Variants in PATJ observed in about 807,000 individuals in gnomAD.
The protein encoded by PATJ is PATJ crumbs cell polarity complex component.
PATJ carries 190 observed loss-of-function variants against 224.9 expected under a neutral mutation model. The observed-to-expected ratio is 0.84, with a 90% CI of 0.75 to 0.95. The LOEUF (loss-of-function observed/expected upper bound fraction) is 0.95. Ranked by LOEUF, PATJ falls within the 40% of genes least tolerant of loss-of-function variation. PATJ has a pLI of 0.00. For synonymous variants in PATJ, 769 were observed against 820.3 expected (o/e 0.94, Z 1.07); for missense variants, 2,121 against 2,270.3 (o/e 0.93, Z 1.34).
chr1:62,035,247 GA>G (rs1158631791), intron 29 of PATJ, among the ~76,000 whole-genome samples: 2 of 152,186 alleles, frequency 1.3e-5, no homozygotes, highest in Non-Finnish European at 2.9e-5. Context: ...AATGCAGTCA[GA>G]AAAAACAGAT....
At chr1:62,152,846 A>C (rs1410980967) in intron 42 of PATJ, among the ~76,000 whole-genome samples, 1 of 152,038 alleles carries the variant, frequency 6.6e-6, no homozygotes, top group Non-Finnish European at 1.5e-5. Context: ...TAAGTTTAAA[A>C]GTTAAAAACT....
At chr1:61,757,588 G>A (rs1172555562) in intron 1 of PATJ, among the ~76,000 whole-genome samples, 1 of 151,888 alleles carries the variant, frequency 6.6e-6, no homozygotes, top group Non-Finnish European at 1.5e-5. Context: ...GCTTTGCCAT[G>A]TTATCCAGGC....
chr1:61,773,158 T>A (rs900513936), intron 6 of PATJ, among the ~76,000 whole-genome samples: 2 of 151,896 alleles, frequency 1.3e-5, no homozygotes, highest in Non-Finnish European at 1.5e-5. Context: ...GTAGCTGGGA[T>A]TTACAGGCAC....
chr1:62,005,471 A>C (rs1377238910), intron 28 of PATJ, among the ~76,000 whole-genome samples: 2 of 150,972 alleles, frequency 1.3e-5, no homozygotes, highest in Non-Finnish European at 2.9e-5. Context: ...TTTATTAAAG[A>C]AAAAAAGTTG....
chr1:61,803,745 G>C (rs182633007), intron 12 of PATJ, among the ~76,000 whole-genome samples: 2 of 152,044 alleles, frequency 1.3e-5, no homozygotes, highest in Non-Finnish European at 2.9e-5. Context: ...ACTTCACTAC[G>C]TTTTTTTCTT....
At chr1:61,745,001 A>G (rs565087640) in intron 1 of PATJ, among the ~76,000 whole-genome samples, 2 of 152,320 alleles carry the variant, frequency 1.3e-5, no homozygotes, top group Admixed American at 1.3e-4. Flanking sequence ...AGGGTGAGGT[A>G]TGAGAAGGGG....
intron 3 of PATJ, among the ~76,000 whole-genome samples, chr1:61,764,774 A>G (rs1173943853): frequency 1.3e-5 from 2 of 152,174 alleles, no homozygotes; most frequent in Non-Finnish European, 2.9e-5. Flanking sequence ...ACCAGAATTT[A>G]TACCCTAATT....
intron 8 of PATJ, 126 bp downstream of exon 8, chr1:61,788,098 A>AG: frequency 1.5e-6 from 1 of 669,268 alleles, no homozygotes; most frequent in Non-Finnish European, 2.5e-6. Context: ...TGAAACAGGA[A>AG]AAAAAAAACT....
At chr1:62,099,347 C>CTTTTTTTTTTTTTTTTTTTTTTTTTT (rs71050197) in intron 33 of PATJ, among the ~76,000 whole-genome samples, 3 of 55,676 alleles carry the variant, frequency 5.4e-5, no homozygotes, top group African/African-American at 2.3e-4. Flanking sequence ...ATATCTCCAA[C>CTTTTTTTTTTTTTTTTTTTTTTTTTT]TTTTTTTTTT....
At chr1:61,792,000 A>G (rs1278149265) in intron 9 of PATJ, among the ~76,000 whole-genome samples, 2 of 152,200 alleles carry the variant, frequency 1.3e-5, no homozygotes, top group Non-Finnish European at 2.9e-5. Context: ...TTATTCCTTT[A>G]TTATAAGAGA....
At chr1:61,892,630 T>C (rs1010794979) in intron 22 of PATJ, among the ~76,000 whole-genome samples, 23 of 152,198 alleles carry the variant, frequency 1.5e-4, no homozygotes, top group African/African-American at 5.5e-4. Flanking sequence ...TCTGGTTGAA[T>C]TTAAGAGGCA....
chr1:61,760,048 C>T (rs1028615483), intron 1 of PATJ, among the ~76,000 whole-genome samples: 1 of 152,122 alleles, frequency 6.6e-6, no homozygotes, highest in African/African-American at 2.4e-5. Flanking sequence ...ACCAGCAGGC[C>T]GCTCTTGTCA....
intron 14 of PATJ, among the ~76,000 whole-genome samples, chr1:61,813,031 T>C (rs779843823): frequency 4.6e-5 from 7 of 151,924 alleles, no homozygotes; most frequent in Non-Finnish European, 8.8e-5. Flanking sequence ...CTGTGTCATA[T>C]TACTTTAGAA....
At chr1:61,839,317 A>G (rs138672854) in intron 17 of PATJ, among the ~76,000 whole-genome samples, 3,120 of 152,176 alleles carry the variant, frequency 0.021, 38 homozygotes, top group Non-Finnish European at 0.031. Context: ...TAGTATTCTC[A>G]TTTTTCATGC....
At position 62,075,685 on chromosome 1, in the gene PATJ, G is replaced by A. The variant is rs545669117; in HGVS notation, c.4126-3765G>A. Among the ~76,000 whole-genome samples the A allele has an allele frequency of 1.5e-4, 23 of 152,254 alleles. No homozygotes were observed. The South Asian group carries it at 2.1e-3, about 14-fold the overall frequency. Reference sequence around the variant, plus strand: ...TGTAATCCCAGCACTTTGGGAGGCCGAGATGGGTGGATCACAAGGTCAGGA... The same window carrying A: ...TGTAATCCCAGCACTTTGGGAGGCCAAGATGGGTGGATCACAAGGTCAGGA... On this transcript the variant is annotated intron_variant, in intron 31 of 43. Coordinates refer to ENST00000642238, the MANE Select transcript of PATJ (RefSeq NM_001350145.3).
At chr1:62,116,043 G>A (rs1278816911) in intron 35 of PATJ, among the ~76,000 whole-genome samples, 1 of 152,120 alleles carries the variant, frequency 6.6e-6, no homozygotes, top group African/African-American at 2.4e-5. Flanking sequence ...GCGTATACCT[G>A]GTGCGGTTTT....
intron 26 of PATJ, among the ~76,000 whole-genome samples, chr1:61,915,078 A>G (rs1473849811): frequency 2.6e-5 from 4 of 152,226 alleles, no homozygotes; most frequent in Admixed American, 6.5e-5. Context: ...TGAGAAAACT[A>G]TCCTTCCTGT....
At chr1:62,054,369 A>C (rs976620312) in intron 31 of PATJ, 15 of 444,672 alleles carry the variant, frequency 3.4e-5, no homozygotes, top group African/African-American at 2.6e-4. Context: ...TGTCCAAAAA[A>C]AAAAAAGTTA....
At chr1:62,119,292 GAAGACTGA>G (rs1403423869) in intron 37 of PATJ, among the ~76,000 whole-genome samples, 1 of 152,206 alleles carries the variant, frequency 6.6e-6, no homozygotes, top group Non-Finnish European at 1.5e-5. Context: ...ATGATGAGTT[GAAGACTGA>G]CCCTGGTGGG....
Sources: gnomAD v4.1 joint callset for allele counts (sites outside exome capture counted in the v4.1 genomes callset) on GRCh38, gnomAD v4.1.1 for gene constraint, MANE v1.5 for transcripts, NCBI Gene and HGNC (gene_info 2026-07-23, HGNC 2026-07-21) for gene names.